Variants in DLG2 observed in about 807,000 individuals in gnomAD.
DLG2 encodes discs large MAGUK scaffold protein 2.
In DLG2, 45 loss-of-function variants were observed where a neutral mutation model predicts 132.5. That is an observed-to-expected ratio of 0.34 (90% CI 0.27 to 0.44). DLG2 has a LOEUF of 0.44. DLG2 is among the 20% of genes least tolerant of loss of function. The pLI, the probability that DLG2 is intolerant of heterozygous loss-of-function variation, is 1.00. For missense variants in DLG2, 1,045 were observed against 1,196.9 expected, an observed-to-expected ratio of 0.87 and a Z score of 1.87; for synonymous variants, 424 against 419.6, an observed-to-expected ratio of 1.01 and a Z score of -0.13.
chr11:84,188,796 C>A (rs141370557), intron 8 of DLG2, among the ~76,000 whole-genome samples: 221 of 152,126 alleles, frequency 1.5e-3, no homozygotes, highest in African/African-American at 5.1e-3. Flanking sequence ...AAGCAAAAAG[C>A]CTGGACTCAG....
chr11:85,447,838 G>C (rs924317720), intron 3 of DLG2, among the ~76,000 whole-genome samples: 3 of 152,114 alleles, frequency 2.0e-5, no homozygotes, highest in Non-Finnish European at 1.5e-5. Context: ...AATTAGACTT[G>C]TACATCAATA....
chr11:84,859,532 G>C (rs75386395), intron 6 of DLG2, among the ~76,000 whole-genome samples: 93 of 149,092 alleles, frequency 6.2e-4, no homozygotes, highest in Middle Eastern at 3.7e-3. Context: ...GTCAAAATAT[G>C]TTATAACCAA....
At chr11:84,366,445 T>A (rs1290182506) in intron 7 of DLG2, among the ~76,000 whole-genome samples, 1 of 150,420 alleles carries the variant, frequency 6.6e-6, no homozygotes, top group African/African-American at 2.5e-5. Flanking sequence ...AATGACAGGA[T>A]CAAATTCACA....
At chr11:83,535,674 A>G (rs1228180084) in intron 20 of DLG2, among the ~76,000 whole-genome samples, 1 of 152,142 alleles carries the variant, frequency 6.6e-6, no homozygotes, top group African/African-American at 2.4e-5. Flanking sequence ...AAAAAAATTG[A>G]AGCCATATGG....
intron 3 of DLG2, among the ~76,000 whole-genome samples, chr11:85,577,336 A>G (rs766908532): frequency 1.3e-5 from 2 of 152,128 alleles, no homozygotes; most frequent in Non-Finnish European, 2.9e-5. Flanking sequence ...AGGATTCCGG[A>G]CTTAACTGGA....
intron 7 of DLG2, among the ~76,000 whole-genome samples, chr11:84,307,882 C>T (rs1485479261): frequency 2.0e-5 from 3 of 151,436 alleles, no homozygotes; most frequent in African/African-American, 7.3e-5. Context: ...AGTGTTACAG[C>T]TCTTAAGGCG....
chr11:83,920,716 C>T (rs1483396), intron 15 of DLG2, among the ~76,000 whole-genome samples: 75,026 of 151,872 alleles, frequency 0.49, 18,894 homozygotes, highest in East Asian at 0.85. Flanking sequence ...TATAGGTACC[C>T]CATGAGATTG....
intron 20 of DLG2, among the ~76,000 whole-genome samples, chr11:83,533,490 G>A (rs1460263688): frequency 2.0e-5 from 3 of 152,228 alleles, no homozygotes; most frequent in Non-Finnish European, 4.4e-5. Context: ...CAAGATGGCT[G>A]ATATCAATGT....
chr11:84,666,689 T>A (rs1021941096), intron 6 of DLG2, among the ~76,000 whole-genome samples: 7 of 152,068 alleles, frequency 4.6e-5, no homozygotes, highest in African/African-American at 1.7e-4. Context: ...TATATGTGTA[T>A]AATTACATAA....
At chr11:85,506,704 G>A (rs999116509) in intron 3 of DLG2, among the ~76,000 whole-genome samples, 2 of 152,310 alleles carry the variant, frequency 1.3e-5, no homozygotes. Context: ...TTGATTTGGG[G>A]TGGAGAGTTC....
At chr11:84,161,745 T>C (rs998395451) in intron 9 of DLG2, among the ~76,000 whole-genome samples, 7 of 152,202 alleles carry the variant, frequency 4.6e-5, no homozygotes, top group Middle Eastern at 3.2e-3. Context: ...TTCAGTTGCA[T>C]TGAGTCCTGT....
intron 6 of DLG2, among the ~76,000 whole-genome samples, chr11:84,564,341 G>C (rs894226192): frequency 4.6e-5 from 7 of 152,126 alleles, no homozygotes; most frequent in Non-Finnish European, 8.8e-5. Context: ...GTGGAGATTT[G>C]GATCAGAGTC....
chr11:85,118,004 C>T (rs2152346329), intron 5 of DLG2, among the ~76,000 whole-genome samples: 1 of 152,178 alleles, frequency 6.6e-6, no homozygotes, highest in Non-Finnish European at 1.5e-5. Context: ...ATTCCTTGTT[C>T]AATGTGTCAA....
At chr11:83,710,446 G>A (rs1242523256) in intron 18 of DLG2, among the ~76,000 whole-genome samples, 2 of 152,166 alleles carry the variant, frequency 1.3e-5, no homozygotes, top group Non-Finnish European at 2.9e-5. Context: ...ATAGGCATGA[G>A]CCACCTTGCC....
chr11:85,090,826 T>C (rs1424722746), intron 6 of DLG2, among the ~76,000 whole-genome samples: 1 of 152,172 alleles, frequency 6.6e-6, no homozygotes, highest in Admixed American at 6.5e-5. Context: ...TGACACTGAG[T>C]AATTTATAAA....
chr11:83,581,671 TC>T (rs2096978972), intron 19 of DLG2, among the ~76,000 whole-genome samples: 1 of 152,198 alleles, frequency 6.6e-6, no homozygotes, highest in South Asian at 2.1e-4. Context: ...ATTAAAAAGA[TC>T]CTATGTGGAA....
intron 7 of DLG2, among the ~76,000 whole-genome samples, chr11:84,343,421 G>C (rs892107090): frequency 1.3e-5 from 2 of 152,180 alleles, no homozygotes; most frequent in African/African-American, 4.8e-5. Flanking sequence ...CAAGTCACTA[G>C]CCTTCTCTTG....
intron 6 of DLG2, among the ~76,000 whole-genome samples, chr11:84,746,221 A>G (rs967490288): frequency 5.9e-5 from 9 of 151,872 alleles, no homozygotes; most frequent in African/African-American, 1.2e-4. Context: ...ATCTGTGAGG[A>G]AAGAGATGGA....
chr11:85,317,003 T>C (rs1413521953), intron 3 of DLG2, among the ~76,000 whole-genome samples: 1 of 151,960 alleles, frequency 6.6e-6, no homozygotes, highest in African/African-American at 2.4e-5. Context: ...TGTTCTGAAG[T>C]GTCAGAAATG....
Sources: allele counts gnomAD v4.1 joint callset (sites outside exome capture counted in the v4.1 genomes callset), GRCh38; gene constraint gnomAD v4.1.1; transcripts MANE v1.5; gene names NCBI Gene and HGNC (gene_info 2026-07-23, HGNC 2026-07-21).